NF1: variants seen among roughly 807,000 people sequenced by gnomAD.
NF1 encodes the protein neurofibromin 1, also known as neurofibromin.
A neutral mutation model predicts 325.7 loss-of-function variants in NF1; 122 were observed. The ratio of observed to expected loss-of-function variants is 0.37; its 90% CI spans 0.32 to 0.44. The LOEUF (loss-of-function observed/expected upper bound fraction) is 0.44. NF1 is among the 20% of genes least tolerant of loss of function. The pLI, the probability that NF1 is intolerant of heterozygous loss-of-function variation, is 1.00. For missense variants in NF1, 2,140 were observed against 3,415.4 expected, an observed-to-expected ratio of 0.63 and a Z score of 9.31; for synonymous variants, 1,091 against 1,186.0, an observed-to-expected ratio of 0.92 and a Z score of 1.65.
intron 29 of NF1, among the ~76,000 whole-genome samples, chr17:31,248,430 G>GTGCA (rs2067437417): frequency 6.6e-6 from 1 of 152,132 alleles, no homozygotes; most frequent in African/African-American, 2.4e-5. Context: ...ACACGTGCAT[G>GTGCA]TGCAGCCTGA....
chr17:31,262,137 A>C (rs893123502), intron 35 of NF1, among the ~76,000 whole-genome samples: 4 of 152,180 alleles, frequency 2.6e-5, no homozygotes, highest in African/African-American at 9.6e-5. Context: ...AGACAACATT[A>C]TTTTCAAATT....
At chr17:31,358,870 C>A in intron 55 of NF1, 99 bp from the exon 56 acceptor site, 1 of 1,148,274 alleles carries the variant, frequency 8.7e-7, no homozygotes, top group Non-Finnish European at 1.3e-6. Flanking sequence ...TCAACATGTA[C>A]ATAGGGTTTA....
intron 36 of NF1, among the ~76,000 whole-genome samples, chr17:31,322,499 C>A (rs867189284): frequency 1.2e-3 from 36 of 29,966 alleles, no homozygotes; most frequent in Middle Eastern, 0.036. Flanking sequence ...AAGACTCTGT[C>A]TCAAAAAAAA....
intron 57 of NF1, chr17:31,362,359 A>G: frequency 2.0e-6 from 2 of 985,284 alleles, no homozygotes; most frequent in Non-Finnish European, 2.4e-6. Flanking sequence ...CTAGGGAACC[A>G]TACAGGTAAT....
intron 36 of NF1, among the ~76,000 whole-genome samples, chr17:31,311,715 G>A (rs1212610977): frequency 6.6e-6 from 1 of 152,186 alleles, no homozygotes; most frequent in Non-Finnish European, 1.5e-5. Context: ...GAGACACCAC[G>A]ATGTTGGGTA....
At chr17:31,232,009 A>G (rs1286745673) in intron 24 of NF1, 64 bp from the exon 25 acceptor site, 25 of 917,892 alleles carry the variant, frequency 2.7e-5, no homozygotes. Flanking sequence ...ATTTGAGGGG[A>G]AGTGAAAGAA....
chr17:31,214,516 A>C lies in NF1; in HGVS notation c.1458A>C (p.Thr486=), dbSNP rs878853866. 1.2e-6 allele frequency: 2 copies of C among 1,609,066 alleles called. No individual in the cohort carries two copies. Among genetic ancestry groups the C allele is most frequent in the South Asian group, 2.2e-5 (2 of 90,942 alleles). The change falls in exon 13 of 58, where the codon ACA becomes ACC. Residue 486 remains threonine (T), a synonymous_variant. Coordinates refer to ENST00000358273, the MANE Select transcript of NF1 (RefSeq NM_001042492.3). ...AAGAAAAACCTACAGACCTGGAGACAAGAAGCTATAAGTATCTTCTCTTGT... is the reference window on the plus strand; with the variant it reads ...AAGAAAAACCTACAGACCTGGAGACCAGAAGCTATAAGTATCTTCTCTTGT... ...KFKEKPTDLE[T]RSYKYLLLSM...
chr17:31,174,191 TAAAG>T (rs566507808), intron 5 of NF1, among the ~76,000 whole-genome samples: 30 of 152,300 alleles, frequency 2.0e-4, no homozygotes, highest in African/African-American at 6.5e-4. Context: ...ACAATAAACT[TAAAG>T]AAGAAGAAAT....
At chr17:31,278,407 GTTTTTTTTTTTTT>G (rs376109355) in intron 36 of NF1, among the ~76,000 whole-genome samples, 6 of 109,548 alleles carry the variant, frequency 5.5e-5, no homozygotes, top group African/African-American at 1.7e-4. Flanking sequence ...GATTTTTTGG[GTTTTTTTTTTTTT>G]TTTTTTTTTG....
intron 57 of NF1, among the ~76,000 whole-genome samples, chr17:31,373,772 T>C (rs112859451): frequency 7.9e-5 from 12 of 152,350 alleles, no homozygotes; most frequent in African/African-American, 2.6e-4. Context: ...AAGTACACAA[T>C]ATGGTAACCT....
intron 36 of NF1, among the ~76,000 whole-genome samples, chr17:31,323,279 G>C (rs1484316040): frequency 6.6e-6 from 1 of 152,000 alleles, no homozygotes; most frequent in Non-Finnish European, 1.5e-5. Context: ...CGGGCATGGT[G>C]GCGCTTATCT....
chr17:31,290,916 G>A (rs1230724092), intron 36 of NF1, among the ~76,000 whole-genome samples: 1 of 150,010 alleles, frequency 6.7e-6, no homozygotes, highest in Non-Finnish European at 1.5e-5. Context: ...TGAAGCAGAA[G>A]AATCGCTTGA....
intron 23 of NF1, among the ~76,000 whole-genome samples, 191 bp from the exon 24 acceptor site, chr17:31,230,651 A>G (rs1195067071): frequency 6.6e-6 from 1 of 152,242 alleles, no homozygotes; most frequent in South Asian, 2.1e-4. Flanking sequence ...ATGATGGAGG[A>G]TAAATATCCA....
intron 49 of NF1, 48 bp from the exon 50 acceptor site, chr17:31,350,135 C>T (rs775286360): frequency 6.2e-7 from 1 of 1,609,256 alleles, no homozygotes. Flanking sequence ...TTTTAAGTCA[C>T]ACTTGTGATT....
intron 1 of NF1, among the ~76,000 whole-genome samples, chr17:31,110,794 A>G (rs1913332695): frequency 6.6e-6 from 1 of 152,132 alleles, no homozygotes; most frequent in Non-Finnish European, 1.5e-5. Context: ...AATCAAAAAC[A>G]CAACGTTGGT....
In NF1 at chr17:31,367,964, A is replaced by G. The variant is rs533613570; in HGVS notation, c.8378-6049A>G. Among the ~76,000 whole-genome samples, 11 of 152,272 alleles carry G rather than the reference A, an allele frequency of 7.2e-5. No individual in the cohort carries two copies. In the South Asian group the frequency reaches 2.3e-3, roughly 32 times the overall value. On this transcript the variant is annotated intron_variant, in intron 57 of 57. Transcript: ENST00000358273. ...ACTCTGTCTCACAAAAAAATTAAAA[A>G]AAAAAAATATATGGTCATTAGTTAG... is the stretch of plus-strand genomic sequence containing the variant.
intron 36 of NF1, among the ~76,000 whole-genome samples, chr17:31,265,963 T>G (rs1250397653): frequency 6.6e-6 from 1 of 152,230 alleles, no homozygotes; most frequent in African/African-American, 2.4e-5. Context: ...TTTTCTTTTT[T>G]GCTTCATTTT....
At chr17:31,213,383 G>A (rs555287849) in intron 12 of NF1, among the ~76,000 whole-genome samples, 1 of 152,224 alleles carries the variant, frequency 6.6e-6, no homozygotes, top group African/African-American at 2.4e-5. Flanking sequence ...GTGTTCTTGG[G>A]TATAATAACA....
chr17:31,238,307 A>G (rs761058351), intron 29 of NF1, among the ~76,000 whole-genome samples: 3 of 152,194 alleles, frequency 2.0e-5, no homozygotes, highest in Non-Finnish European at 2.9e-5. Flanking sequence ...ATTTTTAAAT[A>G]TGACCACAGT....
Sources: gnomAD v4.1 joint callset for allele counts (sites outside exome capture counted in the v4.1 genomes callset) on GRCh38, gnomAD v4.1.1 for gene constraint, MANE v1.5 for transcripts, NCBI Gene and HGNC (gene_info 2026-07-23, HGNC 2026-07-21) for gene names.